The following DEUP1 variants were observed in gnomAD, a reference collection of about 807,000 sequenced individuals.
The protein encoded by DEUP1 is coiled-coil domain containing 67.
In DEUP1, 82 loss-of-function variants were observed where a neutral mutation model predicts 87.4. The observed-to-expected ratio is 0.94, with a 90% CI of 0.78 to 1.13. The LOEUF is 1.13. DEUP1 is among the 50% of genes most tolerant of loss of function. The pLI, the probability that DEUP1 is intolerant of heterozygous loss-of-function variation, is 0.00. For missense variants in DEUP1, 663 were observed against 681.5 expected, an observed-to-expected ratio of 0.97 and a Z score of 0.30; for synonymous variants, 214 against 222.7, an observed-to-expected ratio of 0.96 and a Z score of 0.35.
Position 93,415,112 on chromosome 11 carries a change from C to T in DEUP1, c.1636C>T (p.Leu546=). The change falls in exon 13 of 14, where the codon CTG becomes TTG. Residue 546 remains leucine (L), a splice_region_variant and synonymous_variant. Transcript: ENST00000298050. ...GGTTAGTGATGATGATGTATTCCCA[C>T]TGGTGAGTTGCTGGTTGTGGGCTTT... is the stretch of plus-strand genomic sequence containing the variant. ...PLVSDDDVFP[L]SPPDMSFPAS... is the part of the protein sequence containing the mutation. 6.3e-7 allele frequency: 1 copy of T among 1,599,288 alleles called. No homozygotes were observed. The highest frequency in any genetic ancestry group is 8.6e-7 in the Non-Finnish European group (1 of 1,168,286).
At chr11:93,420,860 T>A (rs12574435) in intron 13 of DEUP1, among the ~76,000 whole-genome samples, 22 of 114,380 alleles carry the variant, frequency 1.9e-4, no homozygotes, top group African/African-American at 6.1e-4. Context: ...TTACAAGGGA[T>A]GTGAAGGACC....
chr11:93,392,658 T>A (rs1381375930), intron 9 of DEUP1, among the ~76,000 whole-genome samples: 1 of 145,984 alleles, frequency 6.9e-6, no homozygotes, highest in Non-Finnish European at 1.5e-5. Context: ...TGTAATAACA[T>A]TCTGGCTACA....
At chr11:93,431,774 AC>A (rs1200137875) in intron 13 of DEUP1, among the ~76,000 whole-genome samples, 1 of 152,150 alleles carries the variant, frequency 6.6e-6, no homozygotes, top group East Asian at 1.9e-4. Flanking sequence ...TGTAGACCAG[AC>A]TTGACAATGA....
intron 9 of DEUP1, among the ~76,000 whole-genome samples, chr11:93,390,949 G>A (rs950098531): frequency 6.6e-6 from 1 of 152,034 alleles, no homozygotes; most frequent in Non-Finnish European, 1.5e-5. Flanking sequence ...GGGCGCGGTG[G>A]CAGGCGCCTG....
intron 12 of DEUP1, 47 bp from the exon 13 acceptor site, chr11:93,414,953 A>C: frequency 1.9e-6 from 2 of 1,042,380 alleles, no homozygotes; most frequent in Non-Finnish European, 2.7e-6. Flanking sequence ...ACATAAATAA[A>C]CATGTGTCCT....
At chr11:93,346,212 A>G (rs537400845) in intron 2 of DEUP1, among the ~76,000 whole-genome samples, 5 of 152,210 alleles carry the variant, frequency 3.3e-5, no homozygotes, top group South Asian at 2.1e-4. Flanking sequence ...CCATTGGTCT[A>G]TGTGTCTGTT....
At chr11:93,431,095 CAAAAAA>C (rs10534401) in intron 13 of DEUP1, among the ~76,000 whole-genome samples, 20 of 112,618 alleles carry the variant, frequency 1.8e-4, no homozygotes, top group Non-Finnish European at 2.5e-4. Context: ...AACACTGTCT[CAAAAAA>C]AAAAAAAAAA....
intron 11 of DEUP1, among the ~76,000 whole-genome samples, chr11:93,405,200 C>T (rs1485078925): frequency 1.3e-5 from 2 of 151,886 alleles, no homozygotes; most frequent in East Asian, 3.9e-4. Flanking sequence ...TTATTCTCAA[C>T]CCTTTTCAAC....
intron 8 of DEUP1, among the ~76,000 whole-genome samples, chr11:93,387,628 C>A (rs558858803): frequency 9.2e-4 from 140 of 152,132 alleles, no homozygotes; most frequent in Non-Finnish European, 1.7e-3. Flanking sequence ...ACATTTGTTT[C>A]ATTCACTCAC....
At chr11:93,392,345 C>A (rs557621542) in intron 9 of DEUP1, among the ~76,000 whole-genome samples, 12 of 152,140 alleles carry the variant, frequency 7.9e-5, no homozygotes, top group Non-Finnish European at 1.6e-4. Context: ...AATTAGACTG[C>A]CTTTCACAAG....
intron 4 of DEUP1, 100 bp from the exon 5 acceptor site, chr11:93,364,060 T>C: frequency 1.1e-6 from 1 of 874,888 alleles, no homozygotes; most frequent in South Asian, 1.8e-5. Flanking sequence ...TTTCTAATCA[T>C]GACAAATTTT....
At chr11:93,428,477 G>A (rs1297769796) in intron 13 of DEUP1, among the ~76,000 whole-genome samples, 1 of 151,934 alleles carries the variant, frequency 6.6e-6, no homozygotes, top group Admixed American at 6.6e-5. Context: ...GATAGCATTA[G>A]GAGATATACC....
intron 6 of DEUP1, 27 bp downstream of exon 6, chr11:93,370,213 A>G (rs1945649265): frequency 8.5e-7 from 1 of 1,170,484 alleles, no homozygotes. Context: ...TATTCTCTAA[A>G]TCAAAAGCAG....
chr11:93,398,170 A>G (rs1362970661), intron 11 of DEUP1, among the ~76,000 whole-genome samples: 2 of 152,134 alleles, frequency 1.3e-5, no homozygotes, highest in Non-Finnish European at 2.9e-5. Context: ...CATAACACGT[A>G]CTTCTCTGTG....
At chr11:93,388,200 G>C (rs997179190) in intron 8 of DEUP1, among the ~76,000 whole-genome samples, 3 of 151,934 alleles carry the variant, frequency 2.0e-5, no homozygotes, top group African/African-American at 7.3e-5. Flanking sequence ...TATTTGTGTG[G>C]TTGAAATTTC....
intron 7 of DEUP1, among the ~76,000 whole-genome samples, chr11:93,373,620 T>TATATATATATATGTATATATATAA (rs1945862910): frequency 4.2e-5 from 2 of 47,266 alleles, no homozygotes; most frequent in Non-Finnish European, 6.0e-5. Flanking sequence ...TATGTATATA[T>TATATATATATATGTATATATATAA]ATACGTATAT....
intron 7 of DEUP1, among the ~76,000 whole-genome samples, chr11:93,377,508 T>C (rs755049891): frequency 7.2e-5 from 11 of 152,112 alleles, no homozygotes; most frequent in Non-Finnish European, 1.6e-4. Flanking sequence ...TGTGAGTCCT[T>C]ATGTGTCAGG....
chr11:93,356,025 A>G (rs1324369728), intron 3 of DEUP1, among the ~76,000 whole-genome samples: 1 of 152,166 alleles, frequency 6.6e-6, no homozygotes, highest in Non-Finnish European at 1.5e-5. Context: ...ACTTAAGAGG[A>G]GTTCCCTTAG....
chr11:93,435,967 G>T (rs1455203858), intron 13 of DEUP1, among the ~76,000 whole-genome samples: 1 of 148,158 alleles, frequency 6.7e-6, no homozygotes, highest in Non-Finnish European at 1.5e-5. Flanking sequence ...CTGCACTCCA[G>T]TGTGGGCGAC....
Sources: allele counts gnomAD v4.1 joint callset (sites outside exome capture counted in the v4.1 genomes callset), GRCh38; gene constraint gnomAD v4.1.1; transcripts MANE v1.5; gene names NCBI Gene and HGNC (gene_info 2026-07-23, HGNC 2026-07-21).